CYP7B1: variants seen among roughly 807,000 people sequenced by gnomAD.
CYP7B1 encodes the protein cytochrome P450 family 7 subfamily B member 1, also known as cytochrome P450 7B1.
A neutral mutation model predicts 42.7 loss-of-function variants in CYP7B1; 29 were observed. The ratio of observed to expected loss-of-function variants is 0.68; its 90% CI spans 0.51 to 0.93. CYP7B1 has a LOEUF of 0.93. Ranked by LOEUF, CYP7B1 falls within the 40% of genes least tolerant of loss-of-function variation. The probability of loss-of-function intolerance (pLI) is 0.00; values close to 1 mark genes in which losing one functional copy is unlikely to be tolerated. For synonymous variants in CYP7B1, 235 were observed against 218.2 expected (o/e 1.08, Z -0.68); for missense variants, 655 against 600.5 (o/e 1.09, Z -0.95).
At position 64,594,889 on chromosome 8, in the gene CYP7B1, A is replaced by G. The variant is rs1444172331; in HGVS notation, c.*1753T>C. ...ATTCACAGAGAGAATGGCTGAGAAG[A>G]TTCCATACTTGATGGGAGACACCTG... On this transcript the variant is annotated 3_prime_UTR_variant, in exon 6 of 6. Coordinates refer to ENST00000310193, the MANE Select transcript of CYP7B1 (RefSeq NM_004820.5). Among the ~76,000 whole-genome samples, 1 of 152,248 alleles carries G rather than the reference A, an allele frequency of 6.6e-6. No homozygotes were observed. Among genetic ancestry groups the G allele is most frequent in the Admixed American group, 6.5e-5 (1 of 15,288 alleles).
At chr8:64,725,537 T>A (rs1399733418) in intron 1 of CYP7B1, among the ~76,000 whole-genome samples, 1 of 152,188 alleles carries the variant, frequency 6.6e-6, no homozygotes, top group Non-Finnish European at 1.5e-5. Flanking sequence ...ACTCTTGCCC[T>A]AGGGTTTCAG....
At chr8:64,794,734 G>A (rs974481269) in intron 1 of CYP7B1, among the ~76,000 whole-genome samples, 11 of 152,126 alleles carry the variant, frequency 7.2e-5, no homozygotes, top group African/African-American at 9.7e-5. Context: ...GGAAGCAAAC[G>A]TTCAAACCAT....
chr8:64,720,627 G>T (rs1807221906), intron 1 of CYP7B1, among the ~76,000 whole-genome samples: 1 of 152,074 alleles, frequency 6.6e-6, no homozygotes, highest in African/African-American at 2.4e-5. Flanking sequence ...TTTAAGGTTG[G>T]CTATATGTTA....
chr8:64,793,399 T>C (rs578096740), intron 1 of CYP7B1, among the ~76,000 whole-genome samples: 51 of 152,148 alleles, frequency 3.4e-4, no homozygotes, highest in Admixed American at 1.9e-3. Flanking sequence ...TTTGTAGGGA[T>C]TGAGCAAGTA....
chr8:64,629,727 T>A (rs192485044), intron 1 of CYP7B1, among the ~76,000 whole-genome samples: 189 of 152,350 alleles, frequency 1.2e-3, no homozygotes, highest in Non-Finnish European at 2.3e-3. Context: ...AACTGAATTC[T>A]TGAAACACTC....
intron 1 of CYP7B1, among the ~76,000 whole-genome samples, chr8:64,756,324 T>TCACATTTAGACAAGAAATTA (rs1374372904): frequency 6.6e-6 from 1 of 152,218 alleles, no homozygotes; most frequent in African/African-American, 2.4e-5. Flanking sequence ...TTTAATTGGG[T>TCACATTTAGACAAGAAATTA]ACATATTTTA....
At chr8:64,749,690 G>T (rs1296563767) in intron 1 of CYP7B1, among the ~76,000 whole-genome samples, 2 of 152,092 alleles carry the variant, frequency 1.3e-5, no homozygotes, top group Admixed American at 6.6e-5. Flanking sequence ...TCTTATAATG[G>T]CACTTTGTAA....
intron 1 of CYP7B1, among the ~76,000 whole-genome samples, chr8:64,630,040 C>T (rs570232134): frequency 5.3e-5 from 8 of 152,156 alleles, no homozygotes; most frequent in South Asian, 4.1e-4. Context: ...TAGCAATGAA[C>T]GCAAAGGTGG....
downstream of CYP7B1, among the ~76,000 whole-genome samples, chr8:64,590,297 G>A (rs1036578262): frequency 6.6e-6 from 1 of 152,094 alleles, no homozygotes; most frequent in Non-Finnish European, 1.5e-5. Context: ...AAAGCCCAGT[G>A]TCCCAGGAAA....
At chr8:64,587,937 G>T (rs1026255397), downstream of CYP7B1, 5 of 152,142 alleles carry the variant, frequency 3.3e-5, no homozygotes, top group Non-Finnish European at 2.9e-5. Context: ...GCTTGGATGG[G>T]GAGTTGGCTT....
chr8:64,676,019 C>T (rs930678132), intron 1 of CYP7B1, among the ~76,000 whole-genome samples: 7 of 152,102 alleles, frequency 4.6e-5, no homozygotes, highest in South Asian at 2.1e-4. Context: ...CCAGTCCGGA[C>T]AGAGTGCAAG....
chr8:64,682,374 A>G (rs1443292913), intron 1 of CYP7B1, among the ~76,000 whole-genome samples: 1 of 152,222 alleles, frequency 6.6e-6, no homozygotes, highest in African/African-American at 2.4e-5. Context: ...CATTTTTTAA[A>G]GTAGGAAAGT....
intron 1 of CYP7B1, among the ~76,000 whole-genome samples, chr8:64,737,660 C>T (rs1178473350): frequency 6.6e-6 from 1 of 152,118 alleles, no homozygotes; most frequent in Non-Finnish European, 1.5e-5. Flanking sequence ...TGAAAATATA[C>T]CTCCTAGGCT....
intron 1 of CYP7B1, among the ~76,000 whole-genome samples, chr8:64,796,728 A>G (rs1804708139): frequency 6.6e-6 from 1 of 152,240 alleles, no homozygotes; most frequent in Non-Finnish European, 1.5e-5. Context: ...TGACATAGGA[A>G]GGGATCTAAA....
At chr8:64,598,836 G>A (rs976461648) in intron 5 of CYP7B1, among the ~76,000 whole-genome samples, 4 of 152,056 alleles carry the variant, frequency 2.6e-5, no homozygotes, top group South Asian at 2.1e-4. Flanking sequence ...ATTCCTATTC[G>A]GTTGTTTATT....
rs995735166 is a variant in CYP7B1 at position 64,722,752 on chromosome 8, G to T, written c.122+75714C>A. On this transcript the variant is annotated intron_variant, in intron 1 of 5. Transcript: ENST00000310193. The stretch of plus-strand genomic sequence containing the variant: ...GAATGATTTTTTGCGGCGGGGGGGG[G>T]GGGGCGGGAGGTTTTTTTTTATTAT... Among the ~76,000 whole-genome samples, 22 of 97,366 alleles carry T rather than the reference G, an allele frequency of 2.3e-4. 3 individuals carry two copies. Among genetic ancestry groups the T allele is most frequent in the Non-Finnish European group, 3.5e-4 (18 of 51,022 alleles). The allele number at this position is 97,366 out of a possible 152,430, so 63.9% of individuals were successfully genotyped here.
At chr8:64,744,461 C>A (rs1430236789) in intron 1 of CYP7B1, among the ~76,000 whole-genome samples, 1 of 151,908 alleles carries the variant, frequency 6.6e-6, no homozygotes, top group Non-Finnish European at 1.5e-5. Context: ...CCCAGTAACA[C>A]CAAGACAATT....
In CYP7B1 at chr8:64,624,951, C is replaced by CTTTTTTTTTTTTTTT. The variant is rs71260892; in HGVS notation, c.123-427_123-413dup. 4.4e-4 allele frequency among the ~76,000 whole-genome samples: 24 copies of CTTTTTTTTTTTTTTT among 54,062 alleles called. 8 individuals are homozygous for CTTTTTTTTTTTTTTT. Among genetic ancestry groups the CTTTTTTTTTTTTTTT allele is most frequent in the African/African-American group, 1.7e-3 (16 of 9,662 alleles). The allele number at this position is 54,062 out of a possible 152,430, so 35.5% of individuals were successfully genotyped here. ...AGTCCCCAAAGTCCATTATATCATT[C>CTTTTTTTTTTTTTTT]TTTTTTTTTTTTTTTTTTTTTTTTT... is the stretch of plus-strand genomic sequence containing the variant. On this transcript the variant is annotated intron_variant, in intron 1 of 5. Transcript: ENST00000310193.
At chr8:64,615,363 G>T (rs573780638) in intron 3 of CYP7B1, 131 bp from the exon 4 acceptor site, 3 of 871,944 alleles carry the variant, frequency 3.4e-6, no homozygotes, top group African/African-American at 1.7e-5. Flanking sequence ...GAACCAATAG[G>T]CTTCTGAAGT....
Sources: gnomAD v4.1 joint callset for allele counts (sites outside exome capture counted in the v4.1 genomes callset) on GRCh38, gnomAD v4.1.1 for gene constraint, MANE v1.5 for transcripts, NCBI Gene and HGNC (gene_info 2026-07-23, HGNC 2026-07-21) for gene names.